RB1: variants seen among roughly 807,000 people sequenced by gnomAD.
The protein encoded by RB1 is RB transcriptional corepressor 1, also known as retinoblastoma-associated protein.
Under a neutral mutation model 135.4 loss-of-function variants are expected in RB1, and 18 were observed. That is an observed-to-expected ratio of 0.13 (90% CI 0.09 to 0.20). The LOEUF is 0.20. Ranked by LOEUF, RB1 falls within the 10% of genes least tolerant of loss-of-function variation. RB1 has a pLI of 1.00. For missense variants in RB1, 868 were observed against 1,110.0 expected (o/e 0.78, Z 3.10); for synonymous variants, 365 against 373.2 (o/e 0.98, Z 0.25).
chr13:48,418,744 C>T (rs1181071513), intron 17 of RB1, among the ~76,000 whole-genome samples: 1 of 150,936 alleles, frequency 6.6e-6, no homozygotes, highest in Non-Finnish European at 1.5e-5. Flanking sequence ...CAATCCTAGT[C>T]TCTGATAAAA....
intron 20 of RB1, 71 bp downstream of exon 20, chr13:48,459,904 T>TTCCTTCCTTCCTTCCTTCCTTCCTTC (rs1566235659): frequency 2.2e-6 from 1 of 462,624 alleles, no homozygotes; most frequent in African/African-American, 4.1e-5. Context: ...TTTCTTTCTT[T>TTCCTTCCTTCCTTCCTTCCTTCCTTC]CTTTCTTTCT....
chr13:48,430,270 G>A (rs1949115735), intron 17 of RB1, among the ~76,000 whole-genome samples: 1 of 152,082 alleles, frequency 6.6e-6, no homozygotes, highest in Admixed American at 6.6e-5. Context: ...GAAAATTCAG[G>A]ATAATTCAGT....
intron 17 of RB1, among the ~76,000 whole-genome samples, chr13:48,441,523 T>C (rs1276501113): frequency 6.6e-6 from 1 of 152,158 alleles, no homozygotes; most frequent in African/African-American, 2.4e-5. Flanking sequence ...TGTTTCAGAA[T>C]TGGAAGCTTT....
intron 2 of RB1, among the ~76,000 whole-genome samples, chr13:48,323,008 T>A (rs188637937): frequency 1.3e-5 from 2 of 152,236 alleles, no homozygotes; most frequent in African/African-American, 4.8e-5. Flanking sequence ...CTGATTTTAG[T>A]ATCAAGATAA....
rs922457854 is a variant in RB1, at chr13:48,308,379, C to T, written c.264+973C>T. On this transcript the variant is annotated intron_variant, in intron 2 of 26. Coordinates refer to ENST00000267163, the MANE Select transcript of RB1 (RefSeq NM_000321.3). ...AAAAATAAATAAAAATAAGGCTGGG[C>T]GTGGTGGCTCAAACCTGTAATCCCA... is the stretch of plus-strand genomic sequence containing the variant. Among the ~76,000 whole-genome samples the T allele has an allele frequency of 2.6e-5, 4 of 151,608 alleles. 1 individual carries two copies. The highest frequency in any genetic ancestry group is 4.4e-5 in the Non-Finnish European group (3 of 67,916).
At chr13:48,398,600 T>C (rs148799825) in intron 17 of RB1, among the ~76,000 whole-genome samples, 5 of 152,154 alleles carry the variant, frequency 3.3e-5, no homozygotes, top group Non-Finnish European at 5.9e-5. Flanking sequence ...GATCATCAGC[T>C]CTCTTTAAGT....
chr13:48,386,515 T>G (rs1158874822), intron 17 of RB1, among the ~76,000 whole-genome samples: 1 of 152,188 alleles, frequency 6.6e-6, no homozygotes, highest in Non-Finnish European at 1.5e-5. Flanking sequence ...AACCCGTCAC[T>G]CTTTTCGTGA....
intron 17 of RB1, among the ~76,000 whole-genome samples, chr13:48,396,170 A>G (rs1948646461): frequency 1.3e-5 from 2 of 152,206 alleles, no homozygotes; most frequent in East Asian, 3.8e-4. Context: ...TAGAACCTAA[A>G]AAGAGCCCAT....
rs1330976768 is a variant in RB1, at chr13:48,405,364, T to C, written c.1695+23921T>C. ...ATTAACAAAAGAAAATTTGCCTTTT[T>C]TCCTCGGGCTTTTGAAGAATTTTAA... On this transcript the variant is annotated intron_variant, in intron 17 of 26. Coordinates refer to ENST00000267163, the MANE Select transcript of RB1 (RefSeq NM_000321.3). 2.0e-5 allele frequency among the ~76,000 whole-genome samples: 3 copies of C among 152,224 alleles called. No homozygotes were observed. The South Asian group carries it at 6.2e-4, about 32-fold the overall frequency.
intron 23 of RB1, among the ~76,000 whole-genome samples, chr13:48,465,711 C>T (rs1011611213): frequency 9.3e-5 from 14 of 151,296 alleles, no homozygotes; most frequent in South Asian, 2.1e-4. Flanking sequence ...GCACCGTGTG[C>T]GAGCCGAAGC....
At chr13:48,429,974 C>T (rs890457823) in intron 17 of RB1, among the ~76,000 whole-genome samples, 1 of 152,136 alleles carries the variant, frequency 6.6e-6, no homozygotes, top group Non-Finnish European at 1.5e-5. Context: ...ACATTTAATG[C>T]CAATCCAGTA....
At chr13:48,363,055 T>C in intron 8 of RB1, 98 bp downstream of exon 8, 1 of 1,460,348 alleles carries the variant, frequency 6.8e-7, no homozygotes, top group Non-Finnish European at 9.4e-7. Flanking sequence ...GCATGTTTTT[T>C]TTGTAATTAG....
intron 17 of RB1, among the ~76,000 whole-genome samples, chr13:48,405,099 T>C (rs547891809): frequency 8.1e-4 from 124 of 152,150 alleles, no homozygotes; most frequent in African/African-American, 2.4e-3. Flanking sequence ...AGGGAAATCA[T>C]AAGACCTAAT....
At chr13:48,432,740 A>G (rs1949143098) in intron 17 of RB1, among the ~76,000 whole-genome samples, 1 of 152,110 alleles carries the variant, frequency 6.6e-6, no homozygotes, top group African/African-American at 2.4e-5. Flanking sequence ...TGCTTGAGTA[A>G]GCGTACAGGA....
chr13:48,322,767 A>G (rs1453021354), intron 2 of RB1, among the ~76,000 whole-genome samples: 2 of 152,140 alleles, frequency 1.3e-5, no homozygotes, highest in Non-Finnish European at 2.9e-5. Flanking sequence ...TTCTGCTTCT[A>G]TTGATATAAT....
chr13:48,381,301 T>G lies in RB1; in HGVS notation c.1553T>G (p.Leu518Arg). The change falls in exon 17 of 27, where the codon CTG (leucine) becomes CGG (arginine). Residue 518 changes from leucine to arginine, a missense_variant. Leu to Arg is a moderately radical substitution (Grantham distance 102). This residue lies in a region of RB1 where 641 missense variants were observed against 791.3 expected (regional missense o/e 0.81). Transcript: ENST00000267163. Reference sequence around the variant, plus strand: ...ACAGATTTGTCTTTCCCATGGATTCTGAATGTGCTTAATTTAAAAGCCTTT... The same window carrying G: ...ACAGATTTGTCTTTCCCATGGATTCGGAATGTGCTTAATTTAAAAGCCTTT... ...SGTDLSFPWI[L>R]NVLNLKAFDF... 1 of 1,612,706 alleles carries G rather than the reference T, an allele frequency of 6.2e-7. No individual in the cohort carries two copies. The highest frequency in any genetic ancestry group is 8.5e-7 in the Non-Finnish European group (1 of 1,179,492).
At chr13:48,336,600 T>C (rs981660922) in intron 2 of RB1, among the ~76,000 whole-genome samples, 5 of 152,042 alleles carry the variant, frequency 3.3e-5, no homozygotes, top group South Asian at 2.1e-4. Flanking sequence ...GTCTTGCTAG[T>C]GGTCTATCAA....
At chr13:48,406,898 C>T (rs945019368) in intron 17 of RB1, among the ~76,000 whole-genome samples, 1 of 152,078 alleles carries the variant, frequency 6.6e-6, no homozygotes, top group Non-Finnish European at 1.5e-5. Flanking sequence ...TCTATTAAAA[C>T]AAACAAACAA....
At chr13:48,312,931 C>T (rs1479938588) in intron 2 of RB1, among the ~76,000 whole-genome samples, 46 of 152,164 alleles carry the variant, frequency 3.0e-4, no homozygotes, top group Admixed American at 3.0e-3. Context: ...TTACAACCCA[C>T]TCTCAGTAGC....
Sources: gnomAD v4.1 joint callset for allele counts (sites outside exome capture counted in the v4.1 genomes callset) on GRCh38, gnomAD v4.1.1 for gene constraint, gnomAD v4.1.1 regional missense constraint, MANE v1.5 for transcripts, NCBI Gene and HGNC (gene_info 2026-07-23, HGNC 2026-07-21) for gene names.